Variants in C17orf99 observed in about 807,000 individuals in gnomAD.
C17orf99 encodes the protein protein IL-40.
A neutral mutation model predicts 22.6 loss-of-function variants in C17orf99; 18 were observed. That is an observed-to-expected ratio of 0.80 (90% confidence interval 0.55 to 1.18). The LOEUF (loss-of-function observed/expected upper bound fraction) is 1.18. Ranked by LOEUF, C17orf99 falls within the 50% of genes most tolerant of loss-of-function variation. C17orf99 has a pLI of 0.00. For synonymous variants in C17orf99, 147 were observed against 136.6 expected (o/e 1.08, Z -0.53); for missense variants, 328 against 342.7 (o/e 0.96, Z 0.34).
At chr17:78,161,369 G>A in intron 3 of C17orf99, 115 bp downstream of exon 3, 1 of 946,410 alleles carries the variant, frequency 1.1e-6, no homozygotes, top group Non-Finnish European at 1.6e-6. Flanking sequence ...AGGGTGTGAG[G>A]GTGTGGACAA....
chr17:78,164,299 G>T lies in C17orf99; in HGVS notation c.575G>T (p.Trp192Leu). Reference sequence around the variant, plus strand: ...TTCCTGCCGAGCCAGACATCGGACTGGTTCTGGTGCCAGGCTGCAAACAAC... The same window carrying T: ...TTCCTGCCGAGCCAGACATCGGACTTGTTCTGGTGCCAGGCTGCAAACAAC... ...FSFLPSQTSD[W>L]FWCQAANNAN... The change falls in exon 4 of 5, where the codon TGG becomes TTG. Residue 192 changes from tryptophan to leucine, a missense_variant. Physicochemically the swap from Trp to Leu is moderately conservative, Grantham distance 61 (BLOSUM62 -2). Coordinates refer to ENST00000340363, the MANE Select transcript of C17orf99 (RefSeq NM_001163075.2). 6.4e-7 allele frequency: 1 copy of T among 1,551,606 alleles called. No homozygotes were observed. Among genetic ancestry groups the T allele is most frequent in the Non-Finnish European group, 8.7e-7 (1 of 1,147,002 alleles).
intron 4 of C17orf99, chr17:78,165,080 G>A: frequency 9.5e-7 from 1 of 1,051,620 alleles, no homozygotes; most frequent in Non-Finnish European, 1.1e-6. Flanking sequence ...AGAGCCTGGG[G>A]CCCAGCCTCC....
Position 78,161,211 on chromosome 17 carries a change from T to C in C17orf99, c.327T>C (p.His109=), listed in dbSNP as rs1372544421. 1.9e-6 allele frequency: 3 copies of C among 1,551,736 alleles called. No individual in the cohort carries two copies. The highest frequency in any genetic ancestry group is 2.4e-5 in the East Asian group (1 of 40,926). ...GGGCGTCCTCCACCTCAGGTGCCCA[T>C]GTGGACAGTGCCAGGCTACAGATGC... ...FCWASSTSGA[H]VDSARLQMHW... Residue 109 remains histidine, a synonymous_variant, in exon 3 of 5, where the codon CAT becomes CAC. Transcript: ENST00000340363.
rs868659118 is a variant in C17orf99 at position 78,165,919 on chromosome 17, G to T, written c.671G>T (p.Gly224Val). The T allele has an allele frequency of 7.1e-7, 1 of 1,401,930 alleles. No homozygotes were observed. Among genetic ancestry groups the T allele is most frequent in the Non-Finnish European group, 9.4e-7 (1 of 1,061,424 alleles). The allele number at this position is 1,401,930 out of a possible 1,614,324, so 86.8% of individuals were successfully genotyped here. ...GGDQKMEDWQGPLESPILALP... is the reference protein window; with the variant it reads ...GGDQKMEDWQVPLESPILALP... ...GACCAGAAGATGGAGGACTGGCAGG[G>T]TCCCCTGGAGAGCCCCATCCTTGCC... The change falls in exon 5 of 5, where the codon GGT becomes GTT. Residue 224 changes from glycine (G) to valine (V), a missense_variant. By Grantham distance (109) the Gly-to-Val change is moderately radical. Transcript: ENST00000340363.
Position 78,157,798 on chromosome 17 carries a change from G to GGA in C17orf99, c.71-3157_71-3156insGA, listed in dbSNP as rs1567819992. ...GGCGACAGAGCGTGACTCTGTCTCGGAAAAAAAAAAAAAAAAAAAAAAAAA... is the reference window on the plus strand; with the variant it reads ...GGCGACAGAGCGTGACTCTGTCTCGGGAAAAAAAAAAAAAAAAAAAAAAAAAA... On this transcript the variant is annotated intron_variant, in intron 2 of 4. Coordinates refer to ENST00000340363, the MANE Select transcript of C17orf99 (RefSeq NM_001163075.2). The GGA allele has an allele frequency of 3.2e-4, 121 of 382,194 alleles. 1 individual carries two copies. The highest frequency in any genetic ancestry group is 3.9e-4 in the Admixed American group (9 of 23,246). 23.7% of individuals were successfully genotyped at this position (382,194 alleles called of 1,614,324 possible). A position where few individuals can be genotyped will look rare whatever the true frequency, so the allele number is the denominator to read the frequency against.
At position 78,150,412 on chromosome 17, in the gene C17orf99, G is replaced by C. The variant is rs1223585273; in HGVS notation, c.70+3501G>C. On this transcript the variant is annotated intron_variant, in intron 2 of 4. Coordinates refer to ENST00000340363, the MANE Select transcript of C17orf99 (RefSeq NM_001163075.2). ...TCCCTCTTTAGCCTCCCGAAGTGCG[G>C]GGGTTACAGGTATGAGCCACTGTGC... Among the ~76,000 whole-genome samples the C allele has an allele frequency of 2.0e-5, 3 of 152,156 alleles. No individual in the cohort carries two copies. The East Asian group carries it at 5.8e-4, about 29-fold the overall frequency.
At chr17:78,148,595 AG>A (rs2075453511) in intron 2 of C17orf99, among the ~76,000 whole-genome samples, 1 of 152,084 alleles carries the variant, frequency 6.6e-6, no homozygotes, top group South Asian at 2.1e-4. Context: ...AACACCAGGT[AG>A]GTAGGGGAAG....
At chr17:78,155,823 C>T (rs2075520913) in intron 2 of C17orf99, among the ~76,000 whole-genome samples, 2 of 151,522 alleles carry the variant, frequency 1.3e-5, no homozygotes, top group East Asian at 4.0e-4. Context: ...GACGGGGTTT[C>T]TTCATGTTGG....
At position 78,146,763 on chromosome 17, in the gene C17orf99, C is replaced by T; in HGVS notation, c.38-116C>T. 1 of 1,017,656 alleles carries T rather than the reference C, an allele frequency of 9.8e-7. No individual in the cohort carries two copies. The highest frequency in any genetic ancestry group is 1.5e-6 in the Non-Finnish European group (1 of 669,466). The allele number at this position is 1,017,656 out of a possible 1,614,324, so 63.0% of individuals were successfully genotyped here. ...TGGTGCCAGCTGAGTCCTGGGGCCT[C>T]ACTACCAAGAATCAGCCTGCTCCTC... On this transcript the variant is annotated intron_variant, in intron 1 of 4. Coordinates refer to ENST00000340363, the MANE Select transcript of C17orf99 (RefSeq NM_001163075.2). The surrounding 1 kb of genome is among the most constrained non-coding windows in gnomAD (Gnocchi z 5.2).
In C17orf99 at chr17:78,164,123, C is replaced by T. The variant is rs964579940; in HGVS notation, c.399C>T (p.Phe133=). Residue 133 remains phenylalanine, a synonymous_variant, in exon 4 of 5, where the codon TTC becomes TTT. Coordinates refer to ENST00000340363, the MANE Select transcript of C17orf99 (RefSeq NM_001163075.2). ...SKPVSELRAN[F]TLQDRGAGPR... ...CAGTGTCTGAGCTGCGGGCCAACTT[C>T]ACTCTGCAGGACAGAGGGGCAGGCC... The T allele has an allele frequency of 1.3e-6, 2 of 1,551,744 alleles. No individual in the cohort carries two copies. The highest frequency in any genetic ancestry group is 2.4e-5 in the East Asian group (1 of 40,928).
In C17orf99 at chr17:78,164,094, G is replaced by C; in HGVS notation, c.371-1G>C. On this transcript the variant is annotated splice_acceptor_variant, in intron 3 of 4. Coordinates refer to ENST00000340363, the MANE Select transcript of C17orf99 (RefSeq NM_001163075.2). LOFTEE classifies it high-confidence loss of function. ...TGTGCTACCTTCTCCCACCCTGCCAGAGCCAGTGTCTGAGCTGCGGGCCAA... is the reference window on the plus strand; with the variant it reads ...TGTGCTACCTTCTCCCACCCTGCCACAGCCAGTGTCTGAGCTGCGGGCCAA... The C allele has an allele frequency of 6.4e-7, 1 of 1,551,698 alleles. No individual in the cohort carries two copies. Among genetic ancestry groups the C allele is most frequent in the African/African-American group, 1.4e-5 (1 of 73,196 alleles).
intron 2 of C17orf99, chr17:78,157,774 G>C: frequency 3.2e-6 from 2 of 631,574 alleles, no homozygotes; most frequent in Non-Finnish European, 5.0e-6. Context: ...TCCAGCCTGG[G>C]CGACAGAGCG....
intron 3 of C17orf99, 30 bp from the exon 4 acceptor site, chr17:78,164,065 T>C: frequency 6.5e-7 from 1 of 1,539,368 alleles, no homozygotes; most frequent in Non-Finnish European, 8.8e-7. Flanking sequence ...CGCTCAGCCA[T>C]GCCTGTGCTA....
chr17:78,153,679 G>A (rs1365429273), intron 2 of C17orf99, among the ~76,000 whole-genome samples: 3 of 152,092 alleles, frequency 2.0e-5, no homozygotes, highest in East Asian at 1.9e-4. Context: ...GGGTGATCGC[G>A]TGTCAGCCCT....
intron 2 of C17orf99, among the ~76,000 whole-genome samples, chr17:78,156,332 GAAAAAAAAAAAA>G (rs769438256): frequency 2.7e-4 from 17 of 63,390 alleles, no homozygotes; most frequent in Admixed American, 2.3e-3. Flanking sequence ...TCCTTCTCCA[GAAAAAAAAAAAA>G]AAAAAAAAAA....
At chr17:78,164,499 G>A (rs547681999) in intron 4 of C17orf99, 135 bp downstream of exon 4, 19 of 1,539,936 alleles carry the variant, frequency 1.2e-5, no homozygotes, top group Non-Finnish European at 1.6e-5. Context: ...GGGCACAGGA[G>A]GCAACCATGC....
At chr17:78,146,122 G>A (rs1398784360), upstream of C17orf99, among the ~76,000 whole-genome samples, 6 of 152,238 alleles carry the variant, frequency 3.9e-5, no homozygotes, top group East Asian at 5.8e-4. This position sits in a 1 kb window ranked among gnomAD's most constrained non-coding sequence, Gnocchi z 5.2. Context: ...ACGTGAGCCC[G>A]GGATCCTGCG....
At chr17:78,152,633 C>G (rs2075493827) in intron 2 of C17orf99, among the ~76,000 whole-genome samples, 1 of 121,916 alleles carries the variant, frequency 8.2e-6, no homozygotes, top group Admixed American at 8.7e-5. Flanking sequence ...CTGCACCCAG[C>G]CAATTTTTTT....
chr17:78,155,221 A>G (rs2075516630), intron 2 of C17orf99, among the ~76,000 whole-genome samples: 1 of 151,608 alleles, frequency 6.6e-6, no homozygotes, highest in African/African-American at 2.4e-5. Flanking sequence ...CCCAGACCCA[A>G]AGTTCCCCTG....
Sources: gnomAD v4.1 joint callset for allele counts (sites outside exome capture counted in the v4.1 genomes callset) on GRCh38, gnomAD v4.1.1 for gene constraint, Gnocchi (gnomAD v3.1) non-coding constraint, MANE v1.5 for transcripts, NCBI Gene and HGNC (gene_info 2026-07-23, HGNC 2026-07-21) for gene names.